ST6GALNAC3: variants seen among roughly 807,000 people sequenced by gnomAD.
The protein encoded by ST6GALNAC3 is ST6 N-acetylgalactosaminide alpha-2,6-sialyltransferase 3, also known as alpha-N-acetylgalactosaminide alpha-2,6-sialyltransferase 3.
A neutral mutation model predicts 32.7 loss-of-function variants in ST6GALNAC3; 25 were observed. The ratio of observed to expected loss-of-function variants is 0.76; its 90% CI spans 0.56 to 1.07. ST6GALNAC3 has a LOEUF of 1.07. ST6GALNAC3 is among the 50% of genes least tolerant of loss of function. ST6GALNAC3 has a pLI of 0.00. For synonymous variants in ST6GALNAC3, 129 were observed against 133.1 expected, an observed-to-expected ratio of 0.97 and a Z score of 0.21; for missense variants, 355 against 382.4, an observed-to-expected ratio of 0.93 and a Z score of 0.60.
At chr1:76,370,217 G>A (rs115775591) in intron 2 of ST6GALNAC3, among the ~76,000 whole-genome samples, 1 of 152,088 alleles carries the variant, frequency 6.6e-6, no homozygotes, top group East Asian at 1.9e-4. Flanking sequence ...ATAAAAATTA[G>A]TAAATTAGTA....
At chr1:76,503,347 A>G (rs1424955067) in intron 3 of ST6GALNAC3, among the ~76,000 whole-genome samples, 2 of 152,226 alleles carry the variant, frequency 1.3e-5, no homozygotes, top group African/African-American at 2.4e-5. Flanking sequence ...GCAGTCAGGC[A>G]GGAAGAACGC....
chr1:76,542,610 A>G (rs1270390083), intron 3 of ST6GALNAC3, among the ~76,000 whole-genome samples: 2 of 152,038 alleles, frequency 1.3e-5, no homozygotes, highest in African/African-American at 4.8e-5. Context: ...TGCTCTCTCT[A>G]GTCAATTAAT....
intron 1 of ST6GALNAC3, among the ~76,000 whole-genome samples, chr1:76,167,032 A>T (rs982779479): frequency 6.6e-6 from 1 of 151,102 alleles, no homozygotes; most frequent in Non-Finnish European, 1.5e-5. Flanking sequence ...AGGACCCAAT[A>T]CTGTTGAATA....
chr1:76,515,853 T>G (rs12130103), intron 3 of ST6GALNAC3, among the ~76,000 whole-genome samples: 16,298 of 152,166 alleles, frequency 0.11, 975 homozygotes, highest in East Asian at 0.22. Context: ...GATGTTCTAT[T>G]TTCAGTTGAG....
At chr1:76,127,876 A>G (rs992653881) in intron 1 of ST6GALNAC3, among the ~76,000 whole-genome samples, 1 of 152,236 alleles carries the variant, frequency 6.6e-6, no homozygotes, top group East Asian at 1.9e-4. Context: ...TCACATTAGA[A>G]TAGCATCTGC....
At chr1:76,217,915 G>C (rs79999140) in intron 1 of ST6GALNAC3, among the ~76,000 whole-genome samples, 1 of 151,980 alleles carries the variant, frequency 6.6e-6, no homozygotes, top group African/African-American at 2.4e-5. Context: ...TCAGCTTGTT[G>C]GCGGATGGAC....
chr1:76,190,713 G>T (rs183149092), intron 1 of ST6GALNAC3, among the ~76,000 whole-genome samples: 1 of 152,152 alleles, frequency 6.6e-6, no homozygotes, highest in Non-Finnish European at 1.5e-5. Context: ...TCTCATCATT[G>T]TAAGGTAAAG....
intron 3 of ST6GALNAC3, among the ~76,000 whole-genome samples, chr1:76,504,505 T>C (rs1027010193): frequency 6.6e-6 from 1 of 152,154 alleles, no homozygotes; most frequent in African/African-American, 2.4e-5. Flanking sequence ...AATAAATAAA[T>C]GAACAGTCAA....
At chr1:76,469,528 T>C (rs767539061) in intron 3 of ST6GALNAC3, among the ~76,000 whole-genome samples, 7 of 152,130 alleles carry the variant, frequency 4.6e-5, no homozygotes, top group Non-Finnish European at 1.0e-4. Flanking sequence ...AAATCATTTC[T>C]CTTCTTATAA....
intron 2 of ST6GALNAC3, among the ~76,000 whole-genome samples, chr1:76,335,355 G>A (rs947832967): frequency 6.6e-6 from 1 of 152,104 alleles, no homozygotes; most frequent in East Asian, 1.9e-4. Flanking sequence ...CCGTGAGGAT[G>A]GCTGGAGCCT....
chr1:76,120,731 C>G (rs1648821165), intron 1 of ST6GALNAC3, among the ~76,000 whole-genome samples: 1 of 152,212 alleles, frequency 6.6e-6, no homozygotes, highest in African/African-American at 2.4e-5. Context: ...CCTGCTCTTT[C>G]TCTGAAGAGC....
At chr1:76,583,441 G>A (rs1646919022) in intron 3 of ST6GALNAC3, among the ~76,000 whole-genome samples, 1 of 152,178 alleles carries the variant, frequency 6.6e-6, no homozygotes, top group African/African-American at 2.4e-5. Flanking sequence ...GTAAAGATCA[G>A]CAGGAAATTA....
intron 3 of ST6GALNAC3, among the ~76,000 whole-genome samples, chr1:76,615,585 T>G (rs950482154): frequency 8.5e-5 from 13 of 152,150 alleles, no homozygotes; most frequent in Non-Finnish European, 1.5e-5. Flanking sequence ...TTTTGCCAAG[T>G]TCTTCTCATT....
intron 3 of ST6GALNAC3, among the ~76,000 whole-genome samples, chr1:76,531,760 A>C (rs1663271002): frequency 6.6e-6 from 1 of 152,286 alleles, no homozygotes; most frequent in East Asian, 1.9e-4. Context: ...GGAGGCAGGA[A>C]CCGTGTTAAC....
chr1:76,330,724 A>T (rs768825562), intron 2 of ST6GALNAC3, among the ~76,000 whole-genome samples: 3 of 152,218 alleles, frequency 2.0e-5, no homozygotes, highest in Non-Finnish European at 2.9e-5. Context: ...AATCTAAGGG[A>T]CAGGGAAGTC....
intron 1 of ST6GALNAC3, among the ~76,000 whole-genome samples, chr1:76,112,647 C>T (rs1430067431): frequency 6.7e-6 from 1 of 149,376 alleles, no homozygotes; most frequent in Non-Finnish European, 1.5e-5. Context: ...CGGAGGGGCT[C>T]CTCACTTCTC....
chr1:76,443,387 GA>G (rs1462783286), intron 3 of ST6GALNAC3, among the ~76,000 whole-genome samples: 5 of 152,292 alleles, frequency 3.3e-5, no homozygotes, highest in African/African-American at 1.2e-4. Context: ...GACCTCTAAT[GA>G]ATTCAAACAG....
intron 2 of ST6GALNAC3, 112 bp from the exon 3 acceptor site, chr1:76,411,896 G>T: frequency 1.7e-6 from 2 of 1,184,300 alleles, no homozygotes; most frequent in Non-Finnish European, 2.3e-6. Flanking sequence ...GTACTTCAGA[G>T]ATATTTCCAT....
intron 1 of ST6GALNAC3, among the ~76,000 whole-genome samples, chr1:76,167,429 G>A (rs1254981284): frequency 6.6e-6 from 1 of 150,842 alleles, no homozygotes; most frequent in African/African-American, 2.4e-5. Context: ...ATTCATCCAG[G>A]CTATTGGCCT....
Sources: allele counts gnomAD v4.1 joint callset (sites outside exome capture counted in the v4.1 genomes callset), GRCh38; gene constraint gnomAD v4.1.1; transcripts MANE v1.5; gene names NCBI Gene and HGNC (gene_info 2026-07-23, HGNC 2026-07-21).